The following CALD1 variants were observed in gnomAD, a reference collection of about 807,000 sequenced individuals.
CALD1 encodes caldesmon.
A neutral mutation model predicts 99.9 loss-of-function variants in CALD1; 33 were observed. That is an observed-to-expected ratio of 0.33 (90% CI 0.25 to 0.44). The LOEUF (loss-of-function observed/expected upper bound fraction) is 0.44. CALD1 is among the 20% of genes least tolerant of loss of function. The probability of loss-of-function intolerance (pLI) is 1.00; values close to 1 mark genes in which losing one functional copy is unlikely to be tolerated. For missense variants in CALD1, 861 were observed against 962.1 expected (o/e 0.89, Z 1.39); for synonymous variants, 310 against 325.0 (o/e 0.95, Z 0.50).
At chr7:134,735,950 A>G in the CALD1 span, among the ~76,000 whole-genome samples, 18 of 152,284 alleles carry the variant, frequency 1.2e-4, no homozygotes, top group African/African-American at 4.3e-4. Flanking sequence ...CTAAAAGGAA[A>G]AATTCCACCA....
chr7:134,830,176 C>T (rs960566738), intron 1 of CALD1, among the ~76,000 whole-genome samples: 1 of 152,082 alleles, frequency 6.6e-6, no homozygotes, highest in African/African-American at 2.4e-5. Context: ...AATGCTTGCA[C>T]CCTAAGCATT....
At chr7:134,720,527 G>A in the CALD1 span, among the ~76,000 whole-genome samples, 1 of 152,182 alleles carries the variant, frequency 6.6e-6, no homozygotes, top group South Asian at 2.1e-4. Context: ...AAAGTACAAT[G>A]ATAAATGTCT....
upstream of CALD1, among the ~76,000 whole-genome samples, chr7:134,777,760 C>T (rs1327409341): frequency 2.0e-5 from 3 of 152,186 alleles, no homozygotes; most frequent in Non-Finnish European, 2.9e-5. Context: ...CCAATTGCAG[C>T]TGTTTTCTGA....
chr7:134,716,719 C>T, the CALD1 span, among the ~76,000 whole-genome samples: 1 of 152,108 alleles, frequency 6.6e-6, no homozygotes, highest in East Asian at 1.9e-4. Context: ...AAAAAGATGA[C>T]AGCATCTTTC....
At chr7:134,838,006 C>T (rs1164533590) in intron 1 of CALD1, among the ~76,000 whole-genome samples, 1 of 152,170 alleles carries the variant, frequency 6.6e-6, no homozygotes, top group Admixed American at 6.5e-5. Flanking sequence ...TGTCTGCTAT[C>T]CAATAAATCT....
intron 7 of CALD1, among the ~76,000 whole-genome samples, chr7:134,941,810 G>A (rs1806466866): frequency 6.6e-6 from 1 of 152,076 alleles, no homozygotes; most frequent in South Asian, 2.1e-4. Context: ...TGAGAGGTAT[G>A]GACCTACTGC....
intron 3 of CALD1, among the ~76,000 whole-genome samples, chr7:134,868,396 T>G (rs1327333537): frequency 1.3e-5 from 2 of 152,180 alleles, no homozygotes; most frequent in African/African-American, 4.8e-5. Context: ...ATTGGGGAGA[T>G]AAAGCATTGG....
At chr7:134,929,969 TTAGTAGAGTCCTCCATGGCTACCATTAA>T (rs1436835886) in intron 4 of CALD1, among the ~76,000 whole-genome samples, 1 of 152,008 alleles carries the variant, frequency 6.6e-6, no homozygotes, top group African/African-American at 2.4e-5. Context: ...ATATGTTAGT[TTAGTAGAGTCCTCCATGGCTACCATTAA>T]TAGGTAACAC....
In CALD1 at chr7:134,886,343, A is replaced by G. The variant is rs141639455; in HGVS notation, c.71+18539A>G. Among the ~76,000 whole-genome samples, 292 of 152,352 alleles carry G rather than the reference A, an allele frequency of 1.9e-3. 3 individuals carry two copies. Among genetic ancestry groups the G allele is most frequent in the African/African-American group, 6.6e-3 (274 of 41,590 alleles). ...AGAACCACTAGAATTCAGAGAAGCA[A>G]AAGGAGTAAGAGTGGGCATAGGACT... is the stretch of plus-strand genomic sequence containing the variant. On this transcript the variant is annotated intron_variant, in intron 3 of 14. Transcript: ENST00000361675.
chr7:134,936,881 A>G (rs1418826653), intron 6 of CALD1, among the ~76,000 whole-genome samples: 1 of 152,252 alleles, frequency 6.6e-6, no homozygotes, highest in Admixed American at 6.5e-5. Context: ...AAATGTTAAT[A>G]ACAGGAAAAC....
intron 3 of CALD1, among the ~76,000 whole-genome samples, chr7:134,918,145 G>T (rs1804353064): frequency 6.6e-6 from 1 of 152,084 alleles, no homozygotes; most frequent in African/African-American, 2.4e-5. Flanking sequence ...TATTTACTGG[G>T]GTTGGCAGAT....
intron 3 of CALD1, among the ~76,000 whole-genome samples, chr7:134,924,673 GTTTC>G (rs1191074309): frequency 6.6e-6 from 1 of 152,028 alleles, no homozygotes; most frequent in Non-Finnish European, 1.5e-5. Flanking sequence ...ATTTTAATAT[GTTTC>G]TTTATTAGTA....
At chr7:134,929,810 TA>T (rs1805394488) in intron 4 of CALD1, among the ~76,000 whole-genome samples, 1 of 150,380 alleles carries the variant, frequency 6.6e-6, no homozygotes, top group African/African-American at 2.4e-5. Context: ...CCTGGGTAGA[TA>T]CCCAGTAGTG....
chr7:134,773,909 G>A (rs184258406), intron 1 of CALD1, among the ~76,000 whole-genome samples: 18 of 151,866 alleles, frequency 1.2e-4, no homozygotes, highest in Admixed American at 1.1e-3. Context: ...GGTGGCTCAC[G>A]CCTGTAATCC....
At chr7:134,754,403 T>C (rs987842629) in intron 1 of CALD1, among the ~76,000 whole-genome samples, 10 of 152,198 alleles carry the variant, frequency 6.6e-5, no homozygotes, top group Non-Finnish European at 1.0e-4. Flanking sequence ...ATACCACCCT[T>C]GTCTCAAGGT....
intron 3 of CALD1, among the ~76,000 whole-genome samples, chr7:134,881,789 G>A (rs994387343): frequency 3.8e-4 from 58 of 152,220 alleles, no homozygotes; most frequent in African/African-American, 1.2e-3. Flanking sequence ...CCTAGAGCCC[G>A]TCACCTCTGG....
intron 1 of CALD1, among the ~76,000 whole-genome samples, chr7:134,818,517 AT>A (rs547810064): frequency 5.9e-5 from 9 of 152,330 alleles, no homozygotes; most frequent in African/African-American, 1.9e-4. Flanking sequence ...TATGTCAATT[AT>A]TTAATCAGAA....
At position 134,960,569 on chromosome 7, in the gene CALD1, A is replaced by G. The variant is rs1443124792; in HGVS notation, c.2236A>G (p.Ile746Val). 2 of 1,613,684 alleles carry G rather than the reference A, an allele frequency of 1.2e-6. No homozygotes were observed. Among genetic ancestry groups the G allele is most frequent in the Admixed American group, 1.7e-5 (1 of 60,000 alleles). Residue 746 changes from isoleucine (I) to valine (V), a missense_variant, in exon 13 of 15, where the codon ATC becomes GTC. Ile to Val is a conservative substitution (Grantham distance 29, BLOSUM62 3). Coordinates refer to ENST00000361675, the MANE Select transcript of CALD1 (RefSeq NM_033138.4). ...AGLKVGVSSRINEWLTKTPDG... is the reference protein window; with the variant it reads ...AGLKVGVSSRVNEWLTKTPDG... Reference sequence around the variant, plus strand: ...CTTGAAGGTAGGGGTTTCTAGCCGCATCAATGAATGGCTAACTAAAACCCC... The same window carrying G: ...CTTGAAGGTAGGGGTTTCTAGCCGCGTCAATGAATGGCTAACTAAAACCCC...
At chr7:134,793,548 C>T (rs1797624830) in intron 1 of CALD1, among the ~76,000 whole-genome samples, 2 of 152,138 alleles carry the variant, frequency 1.3e-5, no homozygotes, top group East Asian at 1.9e-4. Context: ...TCCTAAAGCT[C>T]TTCTTGGTGC....
Sources: allele counts gnomAD v4.1 joint callset (sites outside exome capture counted in the v4.1 genomes callset), GRCh38; gene constraint gnomAD v4.1.1; transcripts MANE v1.5; gene names NCBI Gene and HGNC (gene_info 2026-07-23, HGNC 2026-07-21).